CADM1: variants seen among roughly 807,000 people sequenced by gnomAD.
The protein encoded by CADM1 is TSLC-1.
Under a neutral mutation model 53.1 loss-of-function variants are expected in CADM1, and 15 were observed. The ratio of observed to expected loss-of-function variants is 0.28; its 90% CI spans 0.19 to 0.44. CADM1 has a LOEUF of 0.44. CADM1 is among the 20% of genes least tolerant of loss of function. The pLI is 1.00. For missense variants in CADM1, 434 were observed against 611.3 expected (o/e 0.71, Z 3.06); for synonymous variants, 281 against 243.0 (o/e 1.16, Z -1.45).
At chr11:115,342,778 A>G (rs956550347) in intron 1 of CADM1, among the ~76,000 whole-genome samples, 1 of 152,104 alleles carries the variant, frequency 6.6e-6, no homozygotes, top group Admixed American at 6.6e-5. Flanking sequence ...CTTAACTCTC[A>G]CACTAGATTA....
intron 1 of CADM1, among the ~76,000 whole-genome samples, chr11:115,335,962 GA>G (rs750357002): frequency 6.6e-5 from 10 of 152,066 alleles, no homozygotes; most frequent in Non-Finnish European, 1.0e-4. Flanking sequence ...CTGCTTTCCA[GA>G]AAATGTCTGC....
In CADM1 at chr11:115,198,452, C is replaced by T; in HGVS notation, c.1079-14G>A. 1 of 1,593,860 alleles carries T rather than the reference C, an allele frequency of 6.3e-7. No homozygotes were observed. ...TCGCCGTTGTGTCTACAGACGGGAACAGAGGATTGGAGGAAGGGAAGAAAC... is the reference window on the plus strand; with the variant it reads ...TCGCCGTTGTGTCTACAGACGGGAATAGAGGATTGGAGGAAGGGAAGAAAC... On this transcript the variant is annotated splice_polypyrimidine_tract_variant and intron_variant, in intron 8 of 11. Coordinates refer to ENST00000331581, the MANE Select transcript of CADM1 (RefSeq NM_001301043.2).
chr11:115,323,472 G>A (rs550015509), intron 1 of CADM1, among the ~76,000 whole-genome samples: 9 of 152,172 alleles, frequency 5.9e-5, no homozygotes, highest in South Asian at 2.1e-4. Flanking sequence ...GTAGATGGGT[G>A]AAATTTCACT....
At chr11:115,499,501 T>C (rs900899619) in intron 1 of CADM1, among the ~76,000 whole-genome samples, 7 of 152,390 alleles carry the variant, frequency 4.6e-5, no homozygotes, top group African/African-American at 1.7e-4. Context: ...CATGGGTTTA[T>C]TACCTAGAGC....
chr11:115,240,654 C>T (rs1417464297), intron 1 of CADM1: 1 of 552,510 alleles, frequency 1.8e-6, no homozygotes, highest in African/African-American at 1.9e-5. Flanking sequence ...AGCTGTGGTA[C>T]AAAAGGTTTC....
intron 1 of CADM1, among the ~76,000 whole-genome samples, chr11:115,499,765 T>A (rs1311177316): frequency 6.6e-6 from 1 of 152,256 alleles, no homozygotes; most frequent in Non-Finnish European, 1.5e-5. Flanking sequence ...TGATTTCTAA[T>A]ATCTTTCCCC....
intron 1 of CADM1, among the ~76,000 whole-genome samples, chr11:115,409,631 A>T (rs1344891293): frequency 6.6e-6 from 1 of 152,024 alleles, no homozygotes; most frequent in African/African-American, 2.4e-5. Context: ...CTGAAATCTG[A>T]CCTGGTGGTC....
intron 1 of CADM1, among the ~76,000 whole-genome samples, chr11:115,366,355 A>G (rs942068634): frequency 6.6e-6 from 1 of 152,240 alleles, no homozygotes; most frequent in Admixed American, 6.5e-5. Flanking sequence ...GCAAAAATAC[A>G]AAATGCATAG....
At chr11:115,400,659 GTGTATATATATATATATATATATATA>G (rs1445102909) in intron 1 of CADM1, among the ~76,000 whole-genome samples, 25 of 38,674 alleles carry the variant, frequency 6.5e-4, no homozygotes, top group Non-Finnish European at 1.1e-3. Context: ...GTGTGTGTGT[GTGTATATATATATATATATATATATA>G]TATATATATA....
At chr11:115,264,914 C>T (rs1224405114) in intron 1 of CADM1, among the ~76,000 whole-genome samples, 1 of 152,156 alleles carries the variant, frequency 6.6e-6, no homozygotes, top group African/African-American at 2.4e-5. Context: ...AGTCTACTGC[C>T]TGACCCCATT....
chr11:115,400,655 GTGTGTGTATATA>G (rs1409508566), intron 1 of CADM1, among the ~76,000 whole-genome samples: 3 of 62,460 alleles, frequency 4.8e-5, no homozygotes, highest in African/African-American at 2.1e-4. Context: ...GTGTGTGTGT[GTGTGTGTATATA>G]TATATATATA....
chr11:115,242,106 GA>G (rs964988295), intron 1 of CADM1, among the ~76,000 whole-genome samples: 2 of 150,466 alleles, frequency 1.3e-5, no homozygotes, highest in Admixed American at 6.6e-5. Flanking sequence ...AAAGGATAAG[GA>G]AAAAAAATTA....
At chr11:115,348,950 A>T (rs1030401450) in intron 1 of CADM1, among the ~76,000 whole-genome samples, 17 of 152,150 alleles carry the variant, frequency 1.1e-4, no homozygotes, top group African/African-American at 3.9e-4. Context: ...AGCATATTAG[A>T]TTATTAAAAG....
intron 5 of CADM1, among the ~76,000 whole-genome samples, chr11:115,222,258 T>C (rs77053262): frequency 0.011 from 1,610 of 152,228 alleles, 30 homozygotes; most frequent in African/African-American, 0.036. Flanking sequence ...TGGAGGATTA[T>C]TGGAGTTTGG....
chr11:115,375,100 A>G (rs1313440734), intron 1 of CADM1, among the ~76,000 whole-genome samples: 1 of 152,180 alleles, frequency 6.6e-6, no homozygotes, highest in Non-Finnish European at 1.5e-5. Flanking sequence ...CAATGTCTAT[A>G]ATTTTCTTTA....
At chr11:115,419,293 C>T (rs1313745463) in intron 1 of CADM1, among the ~76,000 whole-genome samples, 1 of 152,202 alleles carries the variant, frequency 6.6e-6, no homozygotes, top group Non-Finnish European at 1.5e-5. Flanking sequence ...CACCTCTCCA[C>T]ATTCCCTTCT....
intron 1 of CADM1, among the ~76,000 whole-genome samples, chr11:115,438,388 C>T (rs945907482): frequency 1.3e-5 from 2 of 152,062 alleles, no homozygotes; most frequent in Non-Finnish European, 1.5e-5. Context: ...CTACCTTGTG[C>T]GCACACTTCG....
At chr11:115,386,363 T>A (rs973306672) in intron 1 of CADM1, among the ~76,000 whole-genome samples, 1 of 152,240 alleles carries the variant, frequency 6.6e-6, no homozygotes, top group African/African-American at 2.4e-5. Flanking sequence ...TTAAGTCTTA[T>A]TGTTAAAAAA....
At chr11:115,490,393 T>C (rs904790376) in intron 1 of CADM1, among the ~76,000 whole-genome samples, 1 of 91,264 alleles carries the variant, frequency 1.1e-5, no homozygotes, top group African/African-American at 5.3e-5. Flanking sequence ...GAAGAACAGA[T>C]TTTTTTTTTT....
Sources: allele counts gnomAD v4.1 joint callset (sites outside exome capture counted in the v4.1 genomes callset), GRCh38; gene constraint gnomAD v4.1.1; transcripts MANE v1.5; gene names NCBI Gene and HGNC (gene_info 2026-07-23, HGNC 2026-07-21).